The following LRRIQ4 variants were observed in gnomAD, a reference collection of about 807,000 sequenced individuals.
LRRIQ4 encodes the protein leucine rich repeats and IQ motif containing 4, also known as leucine-rich repeat and IQ domain-containing protein 4.
Under a neutral mutation model 40.1 loss-of-function variants are expected in LRRIQ4, and 21 were observed. That is an observed-to-expected ratio of 0.52 (90% CI 0.37 to 0.75). The LOEUF (loss-of-function observed/expected upper bound fraction) is 0.75. Ranked by LOEUF, LRRIQ4 falls within the 30% of genes least tolerant of loss-of-function variation. LRRIQ4 has a pLI of 0.00. For synonymous variants in LRRIQ4, 277 were observed against 277.1 expected, an observed-to-expected ratio of 1.00 and a Z score of 0.00; for missense variants, 655 against 660.0, an observed-to-expected ratio of 0.99 and a Z score of 0.08.
Position 169,822,583 on chromosome 3 carries a change from A to C in LRRIQ4, c.662A>C (p.Asn221Thr). 1 of 1,614,024 alleles carries C rather than the reference A, an allele frequency of 6.2e-7. No individual in the cohort carries two copies. Among genetic ancestry groups the C allele is most frequent in the East Asian group, 2.2e-5 (1 of 44,890 alleles). The change falls in exon 2 of 6, where the codon AAC becomes ACC. Residue 221 changes from asparagine to threonine, a missense_variant. Physicochemically the swap from Asn to Thr is moderately conservative, Grantham distance 65. Coordinates refer to ENST00000340806, the MANE Select transcript of LRRIQ4 (RefSeq NM_001080460.3). ...CTGCAGAAGTTCTATATGGCTTCTA[A>C]CAACCTTCCCGTTCTGCCCGCGTCC... ...TGLQKFYMAS[N>T]NLPVLPASLC...
At position 169,833,138 on chromosome 3, in the gene LRRIQ4, G is replaced by A; in HGVS notation, c.1485G>A (p.Trp495Ter). The change falls in exon 5 of 6, where the codon TGG becomes TGA. Residue 495 changes from tryptophan (W) to a stop codon, truncating the protein, a stop_gained. Transcript: ENST00000340806. LOFTEE classifies it low-confidence loss of function (END_TRUNC). ...EVCAEGNEAIWKYLKENRNRN... is the reference protein window; with the variant it reads ...EVCAEGNEAI ...GTGCTGAAGGCAATGAGGCCATATGGAAATACCTCAAGGAAAACAGAAACA... is the reference window on the plus strand; with the variant it reads ...GTGCTGAAGGCAATGAGGCCATATGAAAATACCTCAAGGAAAACAGAAACA... The A allele has an allele frequency of 6.2e-7, 1 of 1,613,896 alleles. No individual in the cohort carries two copies. Among genetic ancestry groups the A allele is most frequent in the Non-Finnish European group, 8.5e-7 (1 of 1,179,862 alleles).
intron 1 of LRRIQ4, among the ~76,000 whole-genome samples, chr3:169,814,813 A>G (rs1252309147): frequency 6.6e-6 from 1 of 152,086 alleles, no homozygotes; most frequent in African/African-American, 2.4e-5. Context: ...TGATTTTTGT[A>G]TGTGGCAAGA....
In LRRIQ4 at chr3:169,822,244, C is replaced by T. The variant is rs552390319; in HGVS notation, c.323C>T (p.Ser108Phe). Reference sequence around the variant, plus strand: ...GACCTGAGCTACAACCCCATCTTCTCCTCCTCCCTTGTCGTTGTCAGCTTC... The same window carrying T: ...GACCTGAGCTACAACCCCATCTTCTTCTCCTCCCTTGTCGTTGTCAGCTTC... The part of the protein sequence containing the change: ...SLDLSYNPIF[S>F]SSLVVVSFLH... The change falls in exon 2 of 6, where the codon TCC becomes TTC. Residue 108 changes from serine to phenylalanine, a missense_variant. By Grantham distance (155) the Ser-to-Phe change is radical. Transcript: ENST00000340806. The T allele has an allele frequency of 1.4e-4, 226 of 1,607,070 alleles. 1 individual carries two copies. In the East Asian group the frequency reaches 4.6e-3, roughly 33 times the overall value.
chr3:169,835,471 G>A (rs1780285004), intron 5 of LRRIQ4, among the ~76,000 whole-genome samples: 1 of 151,558 alleles, frequency 6.6e-6, no homozygotes, highest in African/African-American at 2.4e-5. Context: ...CTTCCTCTGT[G>A]GAGCATCACA....
chr3:169,832,880 C>T, intron 4 of LRRIQ4, 107 bp from the exon 5 acceptor site: 2 of 971,792 alleles, frequency 2.1e-6, no homozygotes, highest in East Asian at 2.5e-5. Context: ...CTCTCATTCC[C>T]TTTGCAAATG....
chr3:169,822,984 G>A lies in LRRIQ4; in HGVS notation c.1020+43G>A, dbSNP rs202156715. 9.8e-5 allele frequency: 143 copies of A among 1,458,890 alleles called. 1 individual carries two copies. In the East Asian group the frequency reaches 3.4e-3, roughly 35 times the overall value. The allele number at this position is 1,458,890 out of a possible 1,614,324, so 90.4% of individuals were successfully genotyped here. A position where few individuals can be genotyped will look rare whatever the true frequency, so the allele number is the denominator to read the frequency against. The stretch of plus-strand genomic sequence containing the variant: ...GGCTGTCACTATGCTCTCATCCAGG[G>A]TCCTTCCTGCCCTAAGTTGGTTCTG... On this transcript the variant is annotated intron_variant, in intron 2 of 5. Transcript: ENST00000340806.
At chr3:169,814,877 C>G (rs1029350833) in intron 1 of LRRIQ4, among the ~76,000 whole-genome samples, 3 of 152,142 alleles carry the variant, frequency 2.0e-5, no homozygotes, top group Non-Finnish European at 4.4e-5. Context: ...TTCCCAGAAC[C>G]GTTATTGAAG....
chr3:169,827,739 A>G (rs1302763999), intron 2 of LRRIQ4, among the ~76,000 whole-genome samples: 1 of 152,202 alleles, frequency 6.6e-6, no homozygotes, highest in Non-Finnish European at 1.5e-5. Context: ...GATGATTAGA[A>G]GTAGCCATAG....
At chr3:169,836,691 AG>A (rs1487120471) in intron 5 of LRRIQ4, among the ~76,000 whole-genome samples, 1 of 152,208 alleles carries the variant, frequency 6.6e-6, no homozygotes, top group Non-Finnish European at 1.5e-5. Context: ...TTCAGTCCGT[AG>A]CAATGACAAT....
intron 2 of LRRIQ4, among the ~76,000 whole-genome samples, chr3:169,827,293 T>C (rs1384657745): frequency 6.6e-6 from 1 of 151,924 alleles, no homozygotes; most frequent in Non-Finnish European, 1.5e-5. Flanking sequence ...GTCAATAGGG[T>C]GATTGTCACA....
At chr3:169,831,741 G>A (rs1004517897) in intron 4 of LRRIQ4, among the ~76,000 whole-genome samples, 2 of 151,564 alleles carry the variant, frequency 1.3e-5, no homozygotes, top group Admixed American at 1.3e-4. Flanking sequence ...CGCCGAGGAG[G>A]GCAGATCACC....
Position 169,822,680 on chromosome 3 carries a change from C to T in LRRIQ4, c.759C>T (p.Phe253=). The change falls in exon 2 of 6, where the codon TTC becomes TTT. Residue 253 remains phenylalanine (F), a synonymous_variant. Transcript: ENST00000340806. ...HNLLHSIPKS[F]AELRKMTEIG... The stretch of plus-strand genomic sequence containing the variant: ...TCCTCCACTCCATCCCGAAGAGCTT[C>T]GCCGAGCTCAGGAAGATGACGGAAA... 1.9e-6 allele frequency: 3 copies of T among 1,613,958 alleles called. No individual in the cohort carries two copies. Among genetic ancestry groups the T allele is most frequent in the Non-Finnish European group, 2.5e-6 (3 of 1,179,910 alleles).
chr3:169,827,606 CAAAAAAA>C lies in LRRIQ4; in HGVS notation c.1021-1135_1021-1129del, dbSNP rs59524627. Among the ~76,000 whole-genome samples, 326 of 77,526 alleles carry C rather than the reference CAAAAAAA, an allele frequency of 4.2e-3. 7 individuals carry two copies. Among genetic ancestry groups the C allele is most frequent in the Non-Finnish European group, 2.0e-3 (84 of 41,252 alleles). The allele number at this position is 77,526 out of a possible 152,430, so 50.9% of individuals were successfully genotyped here. A position where few individuals can be genotyped will look rare whatever the true frequency, so the allele number is the denominator to read the frequency against. Reference sequence around the variant, plus strand: ...TGGGCGGCAGAGCGAGACTCCGTCTCAAAAAAAAAAAAAAAAAAAAAAAAGAGATTTT... The same window carrying C: ...TGGGCGGCAGAGCGAGACTCCGTCTCAAAAAAAAAAAAAAAAAGAGATTTT... On this transcript the variant is annotated intron_variant, in intron 2 of 5. Transcript: ENST00000340806.
At chr3:169,820,175 AAAG>A (rs1222710107) in intron 1 of LRRIQ4, among the ~76,000 whole-genome samples, 1 of 152,122 alleles carries the variant, frequency 6.6e-6, no homozygotes, top group African/African-American at 2.4e-5. Flanking sequence ...TTCATTCTAA[AAAG>A]AAGTTCAAAG....
intron 5 of LRRIQ4, among the ~76,000 whole-genome samples, chr3:169,833,727 C>T (rs1051343068): frequency 6.6e-6 from 1 of 152,120 alleles, no homozygotes; most frequent in Non-Finnish European, 1.5e-5. Context: ...ATCTCACAGC[C>T]GGATAACTAC....
At chr3:169,821,132 G>T in intron 1 of LRRIQ4, among the ~76,000 whole-genome samples, 1 of 152,202 alleles carries the variant, frequency 6.6e-6, no homozygotes, top group Non-Finnish European at 1.5e-5. Flanking sequence ...AAAGGTTGGT[G>T]CATCTCTAGA....
chr3:169,824,479 A>T (rs1032371421), intron 2 of LRRIQ4, among the ~76,000 whole-genome samples: 14 of 151,952 alleles, frequency 9.2e-5, no homozygotes, highest in African/African-American at 3.4e-4. Context: ...ATTTTATAAT[A>T]TTCTATTTAT....
At chr3:169,833,276 C>T (rs1780227822) in intron 5 of LRRIQ4, 93 bp downstream of exon 5, 2 of 1,008,496 alleles carry the variant, frequency 2.0e-6, no homozygotes, top group Non-Finnish European at 2.8e-6. Context: ...ACTCCTTACA[C>T]CCTTGTCCTG....
chr3:169,827,914 C>T (rs1003399001), intron 2 of LRRIQ4, among the ~76,000 whole-genome samples: 27 of 152,290 alleles, frequency 1.8e-4, no homozygotes, highest in African/African-American at 6.0e-4. Flanking sequence ...CCAGTTCCCA[C>T]ACAGGTTACA....
Sources: gnomAD v4.1 joint callset for allele counts (sites outside exome capture counted in the v4.1 genomes callset) on GRCh38, gnomAD v4.1.1 for gene constraint, MANE v1.5 for transcripts, NCBI Gene and HGNC (gene_info 2026-07-23, HGNC 2026-07-21) for gene names.